The following SDAD1 variants were observed in gnomAD, a reference collection of about 807,000 sequenced individuals.
SDAD1 encodes the protein protein SDA1 homolog.
Under a neutral mutation model 100.3 loss-of-function variants are expected in SDAD1, and 79 were observed. The observed-to-expected ratio is 0.79, with a 90% confidence interval of 0.66 to 0.95. The LOEUF (loss-of-function observed/expected upper bound fraction) is 0.95. SDAD1 is among the 40% of genes least tolerant of loss of function. The pLI is 0.00. For synonymous variants in SDAD1, 267 were observed against 271.4 expected (o/e 0.98, Z 0.16); for missense variants, 790 against 810.9 (o/e 0.97, Z 0.31).
At chr4:75,967,368 A>T in intron 11 of SDAD1, 34 bp from the exon 12 acceptor site, 1 of 1,574,370 alleles carries the variant, frequency 6.4e-7, no homozygotes, top group Non-Finnish European at 8.7e-7. Flanking sequence ...ATACTGATGC[A>T]GCTGACACTA....
intron 14 of SDAD1, among the ~76,000 whole-genome samples, chr4:75,963,254 T>C (rs1391609681): frequency 1.4e-5 from 2 of 143,160 alleles, no homozygotes; most frequent in African/African-American, 2.7e-5. Flanking sequence ...GGTCTCTATC[T>C]CTGTTTTGGT....
intron 21 of SDAD1, 59 bp downstream of exon 21, chr4:75,955,916 T>C (rs529317618): frequency 7.8e-6 from 12 of 1,531,252 alleles, no homozygotes; most frequent in Middle Eastern, 2.5e-4. Context: ...GTCTCAAATG[T>C]AAAGCTGTCT....
At position 75,975,780 on chromosome 4, in the gene SDAD1, A is replaced by C; in HGVS notation, c.542T>G (p.Leu181Ter). The C allele has an allele frequency of 6.2e-7, 1 of 1,613,914 alleles. No homozygotes were observed. Among genetic ancestry groups the C allele is most frequent in the Non-Finnish European group, 8.5e-7 (1 of 1,179,824 alleles). Residue 181 changes from leucine (L) to a stop codon, truncating the protein, a stop_gained, in exon 6 of 22, where the codon TTA (leucine) becomes TGA (stop). Transcript: ENST00000356260. LOFTEE classifies it high-confidence loss of function. Reference protein sequence around the residue: ...DSNATAAKMSLDVMIELYRRN... With the variant: ...DSNATAAKMS ...TCTGTAGAGTTCAATCATTACATCTAAAGACATCTTGGCTGCGGTTGCATT... is the reference window on the plus strand; with the variant it reads ...TCTGTAGAGTTCAATCATTACATCTCAAGACATCTTGGCTGCGGTTGCATT...
intron 1 of SDAD1, among the ~76,000 whole-genome samples, chr4:75,985,347 G>A (rs571319290): frequency 1.3e-5 from 2 of 152,122 alleles, no homozygotes; most frequent in Non-Finnish European, 2.9e-5. Flanking sequence ...GTTTTCTCCT[G>A]ACACACTGCT....
At chr4:75,988,738 T>G (rs1731054582) in intron 1 of SDAD1, among the ~76,000 whole-genome samples, 1 of 152,136 alleles carries the variant, frequency 6.6e-6, no homozygotes, top group Non-Finnish European at 1.5e-5. Flanking sequence ...TGAACGAACT[T>G]CAGGAAATGG....
At chr4:75,986,359 C>T (rs570994655) in intron 1 of SDAD1, among the ~76,000 whole-genome samples, 1 of 152,266 alleles carries the variant, frequency 6.6e-6, no homozygotes, top group African/African-American at 2.4e-5. Flanking sequence ...CTTTTCTGGA[C>T]AACCATTTCA....
intron 1 of SDAD1, among the ~76,000 whole-genome samples, chr4:75,982,467 G>C (rs1248218571): frequency 6.6e-6 from 1 of 152,116 alleles, no homozygotes; most frequent in East Asian, 1.9e-4. Context: ...GGGTAACACA[G>C]GGAGACCTTG....
At chr4:75,955,913 A>G in intron 21 of SDAD1, 62 bp downstream of exon 21, 2 of 1,525,682 alleles carry the variant, frequency 1.3e-6, no homozygotes, top group Non-Finnish European at 1.8e-6. Flanking sequence ...TCCGTCTCAA[A>G]TGTAAAGCTG....
chr4:75,964,284 C>T (rs914442257), intron 13 of SDAD1, 73 bp from the exon 14 acceptor site: 10 of 1,008,584 alleles, frequency 9.9e-6, no homozygotes, highest in Admixed American at 8.3e-5. Flanking sequence ...AATGAAAGGA[C>T]AATAGATTAT....
Position 75,957,428 on chromosome 4 carries a change from A to T in SDAD1, c.1770-19T>A. On this transcript the variant is annotated intron_variant, in intron 19 of 21. Transcript: ENST00000356260. ...TTCACCCCTGGGGTGAGGGAAAAAT[A>T]ACACATGAAACAAGAATGGAATTCT... The T allele has an allele frequency of 6.2e-7, 1 of 1,613,192 alleles. No homozygotes were observed.
chr4:75,958,527 C>A (rs1453569155), intron 17 of SDAD1, among the ~76,000 whole-genome samples: 1 of 152,158 alleles, frequency 6.6e-6, no homozygotes, highest in Non-Finnish European at 1.5e-5. Context: ...TTCTAAATCA[C>A]AGACACTGCA....
chr4:75,977,919 A>G (rs1196820489), intron 3 of SDAD1, among the ~76,000 whole-genome samples, 163 bp from the exon 4 acceptor site: 2 of 152,192 alleles, frequency 1.3e-5, no homozygotes, highest in Non-Finnish European at 2.9e-5. Flanking sequence ...CTGGGGATAG[A>G]GCAGAACGGA....
intron 2 of SDAD1, 75 bp downstream of exon 2, chr4:75,981,858 G>A: frequency 9.5e-7 from 1 of 1,048,312 alleles, no homozygotes; most frequent in South Asian, 1.5e-5. Flanking sequence ...GTGGAATAAG[G>A]TTGAGTATTA....
chr4:75,982,907 T>C (rs1730626677), intron 1 of SDAD1, among the ~76,000 whole-genome samples: 1 of 151,926 alleles, frequency 6.6e-6, no homozygotes, highest in Admixed American at 6.6e-5. Flanking sequence ...CAACCTGTCA[T>C]CCACATTAGG....
intron 8 of SDAD1, among the ~76,000 whole-genome samples, chr4:75,972,090 C>T (rs1361652265): frequency 6.6e-6 from 1 of 151,936 alleles, no homozygotes; most frequent in Non-Finnish European, 1.5e-5. Flanking sequence ...AGGCACACGC[C>T]ACCATGTCTG....
chr4:75,951,562 G>A (rs1184339494), intron 21 of SDAD1, among the ~76,000 whole-genome samples: 1 of 152,166 alleles, frequency 6.6e-6, no homozygotes, highest in Non-Finnish European at 1.5e-5. Flanking sequence ...ATATCATAAT[G>A]AGACTCAGTC....
intron 12 of SDAD1, among the ~76,000 whole-genome samples, chr4:75,966,781 T>A (rs1173890634): frequency 6.6e-6 from 1 of 152,228 alleles, no homozygotes; most frequent in Non-Finnish European, 1.5e-5. Flanking sequence ...TCTTTTCTTT[T>A]CTTTTTGAGA....
intron 1 of SDAD1, among the ~76,000 whole-genome samples, chr4:75,984,974 A>G (rs1178846325): frequency 6.6e-6 from 1 of 152,096 alleles, no homozygotes; most frequent in Non-Finnish European, 1.5e-5. Context: ...TTTTCTAAGA[A>G]CAGAAGTCAA....
intron 14 of SDAD1, among the ~76,000 whole-genome samples, chr4:75,963,365 A>G (rs964200661): frequency 6.6e-6 from 1 of 152,028 alleles, no homozygotes. Context: ...TTGTCTTGGC[A>G]ATGTGGGCTC....
Sources: gnomAD v4.1 joint callset for allele counts (sites outside exome capture counted in the v4.1 genomes callset) on GRCh38, gnomAD v4.1.1 for gene constraint, MANE v1.5 for transcripts, NCBI Gene and HGNC (gene_info 2026-07-23, HGNC 2026-07-21) for gene names.